PCM1: variants seen among roughly 807,000 people sequenced by gnomAD.
PCM1 encodes the protein pericentriolar material 1 protein.
In PCM1, 157 loss-of-function variants were observed where a neutral mutation model predicts 241.9. That is an observed-to-expected ratio of 0.65 (90% CI 0.57 to 0.74). The LOEUF (loss-of-function observed/expected upper bound fraction) is 0.74, where lower values mean the gene tolerates loss of function less well. Among genes scored for constraint, PCM1 ranks in the 30% least tolerant of loss-of-function variants. The pLI is 0.00. For synonymous variants in PCM1, 1,085 were observed against 784.9 expected (o/e 1.38, Z -6.39); for missense variants, 3,478 against 2,360.1 (o/e 1.47, Z -9.81).
chr8:17,971,647 A>C (rs868112757), intron 22 of PCM1, among the ~76,000 whole-genome samples: 1 of 152,232 alleles, frequency 6.6e-6, no homozygotes, highest in East Asian at 1.9e-4. Context: ...GGTGAACACA[A>C]ATCCATGTAT....
At chr8:17,958,344 A>G (rs969719660) in intron 13 of PCM1, among the ~76,000 whole-genome samples, 1 of 152,204 alleles carries the variant, frequency 6.6e-6, no homozygotes, top group Non-Finnish European at 1.5e-5. Flanking sequence ...CAGTAAGGTT[A>G]AAGTTAGAAC....
chr8:17,959,769 G>T (rs937930911), intron 13 of PCM1, among the ~76,000 whole-genome samples: 1 of 152,000 alleles, frequency 6.6e-6, no homozygotes, highest in African/African-American at 2.4e-5. Flanking sequence ...ACCATTACTG[G>T]AATTGGCCTT....
In PCM1 at chr8:18,017,192, T is replaced by C. The variant is rs546720991; in HGVS notation, c.5841+2352T>C. Among the ~76,000 whole-genome samples, 3 of 152,194 alleles carry C rather than the reference T, an allele frequency of 2.0e-5. No individual in the cohort carries two copies. In the South Asian group the frequency reaches 6.2e-4, roughly 31 times the overall value. On this transcript the variant is annotated intron_variant, in intron 36 of 38. Coordinates refer to ENST00000325083, the MANE Select transcript of PCM1 (RefSeq NM_006197.4). ...ATCCCCATGGTCTTTCCACAAAAGA[T>C]TGACTAGTCCAAAAAGTTGAATCTA...
At chr8:17,958,300 T>C (rs1296975797) in intron 13 of PCM1, among the ~76,000 whole-genome samples, 1 of 152,158 alleles carries the variant, frequency 6.6e-6, no homozygotes, top group Non-Finnish European at 1.5e-5. Context: ...CTTAACCTAC[T>C]GTATATAAAA....
intron 2 of PCM1, among the ~76,000 whole-genome samples, chr8:17,930,880 C>CA (rs571772013): frequency 8.2e-4 from 105 of 127,452 alleles, no homozygotes; most frequent in South Asian, 1.7e-3. Flanking sequence ...ACTCTGTCTC[C>CA]AAAAAAAAAA....
chr8:17,930,740 C>T (rs1009069071), intron 2 of PCM1, among the ~76,000 whole-genome samples: 1 of 151,832 alleles, frequency 6.6e-6, no homozygotes, highest in African/African-American at 2.4e-5. Context: ...ATTAGCCAGG[C>T]GTGGTGGCGG....
intron 36 of PCM1, 27 bp from the exon 37 acceptor site, chr8:18,025,334 G>GTATT (rs1564470486): frequency 8.7e-7 from 1 of 1,149,658 alleles, no homozygotes; most frequent in Non-Finnish European, 1.3e-6. Flanking sequence ...TCTAGAGTAT[G>GTATT]TATTTTTTTT....
At chr8:17,950,910 T>G (rs2065784335) in intron 8 of PCM1, among the ~76,000 whole-genome samples, 186 bp downstream of exon 8, 1 of 152,276 alleles carries the variant, frequency 6.6e-6, no homozygotes, top group Non-Finnish European at 1.5e-5. Context: ...TCTCCACGTC[T>G]CAGTCCAATG....
chr8:17,980,730 T>G lies in PCM1; in HGVS notation c.4083T>G (p.Cys1361Trp). 3 of 1,610,618 alleles carry G rather than the reference T, an allele frequency of 1.9e-6. No homozygotes were observed. Among genetic ancestry groups the G allele is most frequent in the Non-Finnish European group, 2.5e-6 (3 of 1,178,872 alleles). Residue 1361 changes from cysteine to tryptophan, a missense_variant, in exon 24 of 39, where the codon TGT becomes TGG. Cys to Trp is a radical substitution (Grantham distance 215). Coordinates refer to ENST00000325083, the MANE Select transcript of PCM1 (RefSeq NM_006197.4). ...NHEQLEKIIK[C>W]NRSTEISSET... Reference sequence around the variant, plus strand: ...AGCAACTGGAAAAAATAATAAAATGTAATAGGTCTACAGAAATATCTTCAG... The same window carrying G: ...AGCAACTGGAAAAAATAATAAAATGGAATAGGTCTACAGAAATATCTTCAG...
chr8:17,939,044 A>G (rs569419095), intron 5 of PCM1, 35 bp downstream of exon 5: 8 of 1,605,028 alleles, frequency 5.0e-6, no homozygotes, highest in Middle Eastern at 1.7e-4. Context: ...CATTCTTTAC[A>G]CAAACCTCAA....
chr8:17,995,136 C>G (rs1161748238), intron 29 of PCM1, among the ~76,000 whole-genome samples: 3 of 151,346 alleles, frequency 2.0e-5, no homozygotes, highest in Non-Finnish European at 2.9e-5. Flanking sequence ...CCACTGTTTT[C>G]ATATAATAGT....
chr8:18,000,630 G>A (rs1385390307), intron 29 of PCM1, among the ~76,000 whole-genome samples: 1 of 150,398 alleles, frequency 6.6e-6, no homozygotes, highest in African/African-American at 2.4e-5. Flanking sequence ...TTTGAGGGGG[G>A]TGGGGTTTGA....
rs760985465 is a variant in PCM1 at position 17,963,085 on chromosome 8, T to G, written c.2464-16T>G. On this transcript the variant is annotated splice_polypyrimidine_tract_variant and intron_variant, in intron 16 of 38. Coordinates refer to ENST00000325083, the MANE Select transcript of PCM1 (RefSeq NM_006197.4). ...ATCCAAATATTTATTTAACTCTGGT[T>G]TCTTAAAAAAAATAGTTGTGGTCAG... 1 of 1,576,532 alleles carries G rather than the reference T, an allele frequency of 6.3e-7. No homozygotes were observed. Among genetic ancestry groups the G allele is most frequent in the South Asian group, 1.2e-5 (1 of 86,570 alleles).
In PCM1 at chr8:17,963,095, A is replaced by T; in HGVS notation, c.2464-6A>T. 6.3e-7 allele frequency: 1 copy of T among 1,594,052 alleles called. No homozygotes were observed. The highest frequency in any genetic ancestry group is 8.5e-7 in the Non-Finnish European group (1 of 1,169,684). On this transcript the variant is annotated splice_region_variant and splice_polypyrimidine_tract_variant and intron_variant, in intron 16 of 38. Coordinates refer to ENST00000325083, the MANE Select transcript of PCM1 (RefSeq NM_006197.4). ...TTATTTAACTCTGGTTTCTTAAAAA[A>T]AATAGTTGTGGTCAGAAATGAGAAG...
At chr8:18,013,237 G>A (rs1333610212) in intron 34 of PCM1, among the ~76,000 whole-genome samples, 1 of 152,096 alleles carries the variant, frequency 6.6e-6, no homozygotes, top group Non-Finnish European at 1.5e-5. Flanking sequence ...CGTTATACAG[G>A]CATGCACTAG....
chr8:17,966,531 T>G, intron 20 of PCM1, 58 bp downstream of exon 20: 22 of 1,493,288 alleles, frequency 1.5e-5, no homozygotes, highest in Non-Finnish European at 1.8e-5. Flanking sequence ...AGCAGAGGTT[T>G]TACAGTTAGC....
chr8:17,973,507 G>T (rs1432722153), intron 23 of PCM1, among the ~76,000 whole-genome samples: 1 of 151,854 alleles, frequency 6.6e-6, no homozygotes, highest in Non-Finnish European at 1.5e-5. Flanking sequence ...TCACCTGAGA[G>T]CAGGAGTTTG....
At chr8:18,016,250 G>A (rs977416191) in intron 36 of PCM1, among the ~76,000 whole-genome samples, 6 of 151,082 alleles carry the variant, frequency 4.0e-5, no homozygotes, top group African/African-American at 1.5e-4. Flanking sequence ...AACTAGACTG[G>A]GTCCAGTTGG....
intron 21 of PCM1, among the ~76,000 whole-genome samples, chr8:17,968,977 T>C (rs1448643825): frequency 1.3e-5 from 2 of 152,084 alleles, no homozygotes; most frequent in Non-Finnish European, 2.9e-5. Flanking sequence ...ATAAAGGCTC[T>C]TCATTCTTCT....
Sources: gnomAD v4.1 joint callset for allele counts (sites outside exome capture counted in the v4.1 genomes callset) on GRCh38, gnomAD v4.1.1 for gene constraint, MANE v1.5 for transcripts, NCBI Gene and HGNC (gene_info 2026-07-23, HGNC 2026-07-21) for gene names.